The following SRCIN1 variants were observed in gnomAD, a reference collection of about 807,000 sequenced individuals.
The protein encoded by SRCIN1 is SRC kinase signaling inhibitor 1.
SRCIN1 carries 50 observed loss-of-function variants against 116.2 expected under a neutral mutation model. The observed-to-expected ratio is 0.43, with a 90% CI of 0.34 to 0.54. The LOEUF is 0.54. Ranked by LOEUF, SRCIN1 falls within the 20% of genes least tolerant of loss-of-function variation. The pLI is 0.02. For synonymous variants in SRCIN1, 736 were observed against 750.0 expected, an observed-to-expected ratio of 0.98 and a Z score of 0.30; for missense variants, 1,446 against 1,672.0, an observed-to-expected ratio of 0.86 and a Z score of 2.36.
chr17:38,605,614 A>G, intron 1 of SRCIN1, 70 bp downstream of exon 1: 1 of 1,259,172 alleles, frequency 7.9e-7, no homozygotes, highest in South Asian at 1.5e-5. Flanking sequence ...GGGAAAACAC[A>G]CAAAGAAAAC....
In SRCIN1 at chr17:38,559,614, C is replaced by A. The variant is rs1412993973; in HGVS notation, c.1996G>T (p.Gly666Cys). 3.7e-6 allele frequency: 6 copies of A among 1,602,400 alleles called. No homozygotes were observed. Among genetic ancestry groups the A allele is most frequent in the Non-Finnish European group, 5.1e-6 (6 of 1,179,412 alleles). Residue 666 changes from glycine (G) to cysteine (C), a missense_variant, in exon 10 of 19, where the codon GGC becomes TGC. Coordinates refer to ENST00000617146, the MANE Select transcript of SRCIN1 (RefSeq NM_025248.3). Reference protein sequence around the residue: ...GLQNSASDLRGQLQQLRKLQL... With the variant: ...GLQNSASDLRCQLQQLRKLQL... ...AGCTTGCGCAACTGCTGGAGCTGGC[C>A]GCGCAAGTCACTGGCGCTGTTCTGC...
At chr17:38,574,552 C>A (rs1907287968) in intron 2 of SRCIN1, among the ~76,000 whole-genome samples, 2 of 152,024 alleles carry the variant, frequency 1.3e-5, no homozygotes, top group Non-Finnish European at 2.9e-5. Flanking sequence ...GGGAGGAGGG[C>A]ATAAAACCCA....
rs1178421429 is a variant in SRCIN1 at position 38,585,918 on chromosome 17, G to A, written c.23-7127C>T. Among the ~76,000 whole-genome samples, 1 of 152,132 alleles carries A rather than the reference G, an allele frequency of 6.6e-6. No individual in the cohort carries two copies. On this transcript the variant is annotated intron_variant, in intron 1 of 18. Coordinates refer to ENST00000617146, the MANE Select transcript of SRCIN1 (RefSeq NM_025248.3). The surrounding 1 kb of genome is among the most constrained non-coding windows in gnomAD (Gnocchi z 4.2). ...GCTCCTGCCTAGCTCCTGGCACAGA[G>A]CGGGGGCCAGAAACTCTGCACCTCC...
Position 38,602,930 on chromosome 17 carries a change from C to G in SRCIN1, c.22+2754G>C, listed in dbSNP as rs1909137816. The stretch of plus-strand genomic sequence containing the variant: ...CACTGTCTCCCTTCTTTCCCCAAAA[C>G]CTAACCTGGGGTGGGGGTGGGGGCT... On this transcript the variant is annotated intron_variant, in intron 1 of 18. Transcript: ENST00000617146. This position sits in a 1 kb window ranked among gnomAD's most constrained non-coding sequence, Gnocchi z 4.2. 6.6e-6 allele frequency among the ~76,000 whole-genome samples: 1 copy of G among 152,168 alleles called. No homozygotes were observed. Among genetic ancestry groups the G allele is most frequent in the African/African-American group, 2.4e-5 (1 of 41,440 alleles).
Position 38,562,113 on chromosome 17 carries a change from C to A in SRCIN1, c.1050G>T (p.Glu350Asp). Reference protein sequence around the residue: ...YAGSPVHHAAERLGGAPAAQG... With the variant: ...YAGSPVHHAADRLGGAPAAQG... ...GGGCGGCCGGGGCGCCTCCCAGCCT[C>A]TCGGCCGCGTGGTGCACCGGGCTGC... Residue 350 changes from glutamate (E) to aspartate (D), a missense_variant, in exon 7 of 19, where the codon GAG (glutamate) becomes GAT (aspartate). Glu to Asp is a conservative substitution (Grantham distance 45, BLOSUM62 2). This residue lies in a region of SRCIN1 where 239 missense variants were observed against 317.7 expected (regional missense o/e 0.75). Coordinates refer to ENST00000617146, the MANE Select transcript of SRCIN1 (RefSeq NM_025248.3). The surrounding 1 kb of genome is among the most constrained non-coding windows in gnomAD (Gnocchi z 4.2). 7.1e-7 allele frequency: 1 copy of A among 1,409,234 alleles called. No individual in the cohort carries two copies. The highest frequency in any genetic ancestry group is 3.2e-5 in the Admixed American group (1 of 30,920). The allele number at this position is 1,409,234 out of a possible 1,614,324, so 87.3% of individuals were successfully genotyped here.
rs745592988 is a variant in SRCIN1, at chr17:38,548,657, C to T, written c.3170G>A (p.Arg1057Gln). 14 of 1,612,244 alleles carry T rather than the reference C, an allele frequency of 8.7e-6. 1 individual carries two copies. The highest frequency in any genetic ancestry group is 3.3e-5 in the Admixed American group (2 of 59,896). The change falls in exon 17 of 19, where the codon CGG (arginine) becomes CAG (glutamine). Residue 1057 changes from arginine (R) to glutamine (Q), a missense_variant. By Grantham distance (43) the Arg-to-Gln change is conservative. This residue lies in a region of SRCIN1 where 531 missense variants were observed against 633.9 expected (regional missense o/e 0.84). Coordinates refer to ENST00000617146, the MANE Select transcript of SRCIN1 (RefSeq NM_025248.3). ...EVQKPQVKLR[R>Q]AVSEVARPAS... ...TGGGCGGGCCACCTCAGACACAGCCCGGCGCAGCTTCACCTGGGGCTTCTG... is the reference window on the plus strand; with the variant it reads ...TGGGCGGGCCACCTCAGACACAGCCTGGCGCAGCTTCACCTGGGGCTTCTG...
At position 38,602,575 on chromosome 17, in the gene SRCIN1, TAA is replaced by T. The variant is rs1909116309; in HGVS notation, c.22+3107_22+3108del. 1 of 152,170 alleles carries T rather than the reference TAA, an allele frequency of 6.6e-6. No individual in the cohort carries two copies. The highest frequency in any genetic ancestry group is 2.4e-5 in the African/African-American group (1 of 41,422). The allele number at this position is 152,170 out of a possible 1,614,324, so 9.4% of individuals were successfully genotyped here. A position where few individuals can be genotyped will look rare whatever the true frequency, so the allele number is the denominator to read the frequency against. ...GGTCCCTAGGTCAGGAAACCAGGCTTAAAGCTAGACCTAAGTCTGCTGGGCCT... is the reference window on the plus strand; with the variant it reads ...GGTCCCTAGGTCAGGAAACCAGGCTTAGCTAGACCTAAGTCTGCTGGGCCT... On this transcript the variant is annotated intron_variant, in intron 1 of 18. Coordinates refer to ENST00000617146, the MANE Select transcript of SRCIN1 (RefSeq NM_025248.3). The surrounding 1 kb of genome is among the most constrained non-coding windows in gnomAD (Gnocchi z 4.2).
intron 15 of SRCIN1, among the ~76,000 whole-genome samples, chr17:38,550,388 G>C (rs1049757401): frequency 1.6e-4 from 25 of 152,240 alleles, no homozygotes; most frequent in African/African-American, 6.0e-4. Flanking sequence ...CAGCTACTCG[G>C]GAGGCTGAGG....
intron 17 of SRCIN1, among the ~76,000 whole-genome samples, chr17:38,548,119 G>A (rs1905176321): frequency 1.3e-5 from 2 of 152,162 alleles, no homozygotes; most frequent in South Asian, 4.1e-4. Context: ...ACGCTTGAGT[G>A]TGGTGACTGA....
chr17:38,583,062 C>A (rs1458900476), intron 1 of SRCIN1, among the ~76,000 whole-genome samples: 1 of 152,130 alleles, frequency 6.6e-6, no homozygotes, highest in Non-Finnish European at 1.5e-5. Context: ...TTCTGAGACC[C>A]CAGGCTAGCC....
At chr17:38,547,447 G>A (rs1356245338) in intron 17 of SRCIN1, among the ~76,000 whole-genome samples, 2 of 152,118 alleles carry the variant, frequency 1.3e-5, no homozygotes, top group Non-Finnish European at 2.9e-5. Flanking sequence ...CTCAAACTGC[G>A]AACCAGAACA....
chr17:38,560,271 A>C, intron 8 of SRCIN1, 62 bp downstream of exon 8: 1 of 1,526,358 alleles, frequency 6.6e-7, no homozygotes. Flanking sequence ...GCCGATGCCC[A>C]TTTCCCCTTC....
Position 38,562,356 on chromosome 17 carries a change from C to T in SRCIN1, c.835-28G>A, listed in dbSNP as rs1302054909. ...GCGCAGAAGACAGCCCGGAACCCCACGGGGCTGGTCACCAAGGACACCCCT... is the reference window on the plus strand; with the variant it reads ...GCGCAGAAGACAGCCCGGAACCCCATGGGGCTGGTCACCAAGGACACCCCT... On this transcript the variant is annotated intron_variant, in intron 6 of 18. Transcript: ENST00000617146. The surrounding 1 kb of genome is among the most constrained non-coding windows in gnomAD (Gnocchi z 4.2). The T allele has an allele frequency of 2.1e-6, 3 of 1,415,968 alleles. No homozygotes were observed. Among genetic ancestry groups the T allele is most frequent in the Non-Finnish European group, 2.7e-6 (3 of 1,094,668 alleles). The allele number at this position is 1,415,968 out of a possible 1,614,324, so 87.7% of individuals were successfully genotyped here.
chr17:38,587,518 T>A (rs2502365), intron 1 of SRCIN1, among the ~76,000 whole-genome samples: 54,652 of 151,694 alleles, frequency 0.36, 13,467 homozygotes, highest in African/African-American at 0.71. Flanking sequence ...ACACCCAGAG[T>A]ACAAGCCTGA....
rs1412321792 is a variant in SRCIN1 at position 38,574,950 on chromosome 17, C to T, written c.324+3540G>A. ...GAGCAGAGGGAGCTGAGGAGGCATA[C>T]GGGGTCCACGGTCCAGCCGCCAACC... On this transcript the variant is annotated intron_variant, in intron 2 of 18. Transcript: ENST00000617146. 1.5e-5 allele frequency: 6 copies of T among 401,146 alleles called. 1 individual carries two copies. Among genetic ancestry groups the T allele is most frequent in the Non-Finnish European group, 1.8e-5 (4 of 226,372 alleles). 24.8% of individuals were successfully genotyped at this position (401,146 alleles called of 1,614,324 possible).
At chr17:38,574,092 G>T (rs1043655109) in intron 2 of SRCIN1, among the ~76,000 whole-genome samples, 1 of 152,178 alleles carries the variant, frequency 6.6e-6, no homozygotes, top group East Asian at 1.9e-4. Flanking sequence ...TGAGCACCCT[G>T]TTCCCACTGG....
intron 18 of SRCIN1, among the ~76,000 whole-genome samples, chr17:38,536,346 C>T (rs1211503446): frequency 2.6e-5 from 4 of 152,232 alleles, no homozygotes; most frequent in African/African-American, 9.7e-5. Flanking sequence ...TTCCTTTCAC[C>T]CATCATCCTC....
At chr17:38,586,441 G>A (rs1254555376) in intron 1 of SRCIN1, among the ~76,000 whole-genome samples, 2 of 152,230 alleles carry the variant, frequency 1.3e-5, no homozygotes. Flanking sequence ...CCATGGAGAA[G>A]GGTCTGGAGC....
At position 38,563,587 on chromosome 17, in the gene SRCIN1, G is replaced by A. The variant is rs779303873; in HGVS notation, c.542-66C>T. 5.2e-6 allele frequency: 8 copies of A among 1,533,258 alleles called. No homozygotes were observed. In the South Asian group the frequency reaches 7.1e-5, roughly 14 times the overall value. 95.0% of individuals were successfully genotyped at this position (1,533,258 alleles called of 1,614,324 possible). A position where few individuals can be genotyped will look rare whatever the true frequency, so the allele number is the denominator to read the frequency against. On this transcript the variant is annotated intron_variant, in intron 4 of 18. Coordinates refer to ENST00000617146, the MANE Select transcript of SRCIN1 (RefSeq NM_025248.3). This position sits in a 1 kb window ranked among gnomAD's most constrained non-coding sequence, Gnocchi z 5.8. The stretch of plus-strand genomic sequence containing the variant: ...TCCACGCCGCCCTCCAGGAGAGCGC[G>A]GGGAGCTTTTCGGAGCTGCGCCAGC...
Sources: allele counts gnomAD v4.1 joint callset (sites outside exome capture counted in the v4.1 genomes callset), GRCh38; gene constraint gnomAD v4.1.1; regional missense constraint gnomAD v4.1.1; non-coding constraint Gnocchi (gnomAD v3.1); transcripts MANE v1.5; gene names NCBI Gene and HGNC (gene_info 2026-07-23, HGNC 2026-07-21).